Variants in SH3BP5 observed in about 807,000 individuals in gnomAD.
The protein encoded by SH3BP5 is SH3 domain-binding protein 5.
In SH3BP5, 22 loss-of-function variants were observed where a neutral mutation model predicts 43.3. The ratio of observed to expected loss-of-function variants is 0.51; its 90% CI spans 0.36 to 0.73. The LOEUF is 0.73. Among genes scored for constraint, SH3BP5 ranks in the 30% least tolerant of loss-of-function variants. SH3BP5 has a pLI of 0.00. For missense variants in SH3BP5, 529 were observed against 586.9 expected, an observed-to-expected ratio of 0.90 and a Z score of 1.02; for synonymous variants, 255 against 225.8, an observed-to-expected ratio of 1.13 and a Z score of -1.16.
intron 3 of SH3BP5, among the ~76,000 whole-genome samples, chr3:15,290,465 G>A (rs1300876647): frequency 6.7e-6 from 1 of 148,820 alleles, no homozygotes; most frequent in East Asian, 2.0e-4. Flanking sequence ...GATGGAGGTT[G>A]CAGTGAGCCG....
intron 2 of SH3BP5, among the ~76,000 whole-genome samples, chr3:15,315,135 CTT>C (rs1698153446): frequency 6.6e-6 from 1 of 152,134 alleles, no homozygotes; most frequent in Admixed American, 6.5e-5. Flanking sequence ...AAACAGGACA[CTT>C]TTGAGAATAA....
chr3:15,311,259 C>T lies in SH3BP5; in HGVS notation c.202-7028G>A, dbSNP rs376358249. ...ACAGGCTCAGCCAGAATTTCCATCCCGAGTTTACAGATAAGAAAACTGGAG... is the reference window on the plus strand; with the variant it reads ...ACAGGCTCAGCCAGAATTTCCATCCTGAGTTTACAGATAAGAAAACTGGAG... On this transcript the variant is annotated intron_variant, in intron 2 of 8. Coordinates refer to ENST00000383791, the MANE Select transcript of SH3BP5 (RefSeq NM_004844.5). 7.0e-4 allele frequency among the ~76,000 whole-genome samples: 107 copies of T among 152,234 alleles called. 1 individual carries two copies. The South Asian group carries it at 0.022, about 31-fold the overall frequency.
At chr3:15,341,046 C>T (rs1698759651) in intron 1 of SH3BP5, among the ~76,000 whole-genome samples, 4 of 151,970 alleles carry the variant, frequency 2.6e-5, no homozygotes, top group African/African-American at 9.7e-5. Flanking sequence ...GAGTGAAAGT[C>T]CGCCTCAAAA....
intron 3 of SH3BP5, among the ~76,000 whole-genome samples, chr3:15,287,871 C>T (rs1180963346): frequency 6.6e-6 from 1 of 152,110 alleles, no homozygotes; most frequent in East Asian, 1.9e-4. Context: ...CAGGCCAGGC[C>T]GTGAAAAGCT....
At chr3:15,332,233 C>G (rs2124832932) in intron 1 of SH3BP5, 38 bp downstream of exon 1, 2 of 1,549,996 alleles carry the variant, frequency 1.3e-6, no homozygotes, top group Non-Finnish European at 1.7e-6. Context: ...TAGCAGCCCT[C>G]GCGAAGCCCG....
At chr3:15,293,852 C>A (rs1004072329) in intron 3 of SH3BP5, among the ~76,000 whole-genome samples, 1 of 151,946 alleles carries the variant, frequency 6.6e-6, no homozygotes, top group Non-Finnish European at 1.5e-5. Flanking sequence ...CCGAGGCAGG[C>A]GGATCATCTG....
rs1696470347 is a variant in SH3BP5, at chr3:15,262,200, T to C, written c.585A>G (p.Arg195=). Residue 195 remains arginine (R), a synonymous_variant, in exon 5 of 9, where the codon CGA becomes CGG. Transcript: ENST00000383791. ...CTCTCTTGAGTTTCTTCTCCAGCTG[T>C]CGCATGCGGCCCATGGCGGCATTGT... ...ARYNAAMGRM[R]QLEKKLKRAI... is the part of the protein sequence containing the mutation. 2 of 1,614,154 alleles carry C rather than the reference T, an allele frequency of 1.2e-6. No individual in the cohort carries two copies. Among genetic ancestry groups the C allele is most frequent in the Non-Finnish European group, 1.7e-6 (2 of 1,180,030 alleles).
At chr3:15,302,970 G>A (rs951063885) in intron 3 of SH3BP5, among the ~76,000 whole-genome samples, 8 of 152,036 alleles carry the variant, frequency 5.3e-5, no homozygotes, top group South Asian at 2.1e-4. Flanking sequence ...CACCATACCC[G>A]GCTAATTTTT....
At chr3:15,257,240 A>C (rs1559422215) in intron 7 of SH3BP5, 127 bp from the exon 8 acceptor site, 4 of 952,834 alleles carry the variant, frequency 4.2e-6, no homozygotes, top group Non-Finnish European at 6.3e-6. Flanking sequence ...GTGAGTGCCT[A>C]ATGAAGGAAT....
intron 3 of SH3BP5, chr3:15,273,119 T>C (rs1332511188): frequency 2.5e-5 from 25 of 985,158 alleles, no homozygotes; most frequent in East Asian, 1.1e-4. Flanking sequence ...CTCCTACCTA[T>C]ATGCTTCACA....
intron 2 of SH3BP5, among the ~76,000 whole-genome samples, chr3:15,322,202 C>CA (rs201133062): frequency 0.064 from 9,188 of 143,628 alleles, 368 homozygotes; most frequent in African/African-American, 0.13. Flanking sequence ...GACTCCATCT[C>CA]AAAAAAAAAA....
Position 15,254,519 on chromosome 3 carries a change from A to G in SH3BP5, c.*1567T>C, listed in dbSNP as rs561749790. The stretch of plus-strand genomic sequence containing the variant: ...ATGCCCCAGTGTACCCCCCCCAGTT[A>G]ATTAATTAAATAATTCTCTGGGGAT... On this transcript the variant is annotated 3_prime_UTR_variant, in exon 9 of 9. Transcript: ENST00000383791. 15 of 152,190 alleles carry G rather than the reference A, an allele frequency of 9.9e-5. No homozygotes were observed. Among genetic ancestry groups the G allele is most frequent in the Admixed American group, 9.8e-4 (15 of 15,288 alleles). 9.4% of individuals were successfully genotyped at this position (152,190 alleles called of 1,614,324 possible).
chr3:15,287,366 C>T (rs541218336), intron 3 of SH3BP5, among the ~76,000 whole-genome samples: 3 of 152,304 alleles, frequency 2.0e-5, no homozygotes, highest in Middle Eastern at 3.4e-3. Context: ...CTCAAAGAAG[C>T]AGAGCTGACA....
At chr3:15,329,638 G>A (rs910204244) in intron 2 of SH3BP5, among the ~76,000 whole-genome samples, 2 of 152,188 alleles carry the variant, frequency 1.3e-5, no homozygotes, top group African/African-American at 4.8e-5. Context: ...CACTCTTAGG[G>A]ACCATGTGCT....
intron 2 of SH3BP5, among the ~76,000 whole-genome samples, chr3:15,329,093 T>A (rs1698535527): frequency 6.6e-6 from 1 of 151,896 alleles, no homozygotes; most frequent in Non-Finnish European, 1.5e-5. Context: ...GAAGTTGCAG[T>A]GAGCAGACAT....
rs561651424 is a variant in SH3BP5, at chr3:15,324,708, C to T, written c.201+5796G>A. On this transcript the variant is annotated intron_variant, in intron 2 of 8. Transcript: ENST00000383791. ...CGTTTTAATGGAGAAAGTGCTGGGA[C>T]GTATCACTGTCCTTTGATAGAGGAA... Among the ~76,000 whole-genome samples, 14 of 152,204 alleles carry T rather than the reference C, an allele frequency of 9.2e-5. No individual in the cohort carries two copies. In the South Asian group the frequency reaches 2.1e-3, roughly 23 times the overall value.
intron 3 of SH3BP5, among the ~76,000 whole-genome samples, chr3:15,297,234 C>T (rs60179957): frequency 0.021 from 3,149 of 152,244 alleles, 119 homozygotes; most frequent in African/African-American, 0.072. Flanking sequence ...CCTCCCTCAT[C>T]ATTTTCGATC....
At chr3:15,327,037 T>C (rs1047640733) in intron 2 of SH3BP5, among the ~76,000 whole-genome samples, 2 of 152,184 alleles carry the variant, frequency 1.3e-5, no homozygotes, top group African/African-American at 4.8e-5. Context: ...TATTCACTAA[T>C]TCAGTGTTCA....
intron 3 of SH3BP5, among the ~76,000 whole-genome samples, chr3:15,297,564 T>A (rs1433387296): frequency 6.6e-6 from 1 of 152,204 alleles, no homozygotes; most frequent in South Asian, 2.1e-4. Context: ...AGGTAGACTT[T>A]ATCGTTCCCA....
Sources: allele counts gnomAD v4.1 joint callset (sites outside exome capture counted in the v4.1 genomes callset), GRCh38; gene constraint gnomAD v4.1.1; transcripts MANE v1.5; gene names NCBI Gene and HGNC (gene_info 2026-07-23, HGNC 2026-07-21).